The following FER1L6 variants were observed in gnomAD, a reference collection of about 807,000 sequenced individuals.
FER1L6 encodes the protein fer-1 like family member 6, also known as fer-1-like protein 6.
FER1L6 carries 177 observed loss-of-function variants against 219.2 expected under a neutral mutation model. That is an observed-to-expected ratio of 0.81 (90% CI 0.71 to 0.91). The LOEUF (loss-of-function observed/expected upper bound fraction) is 0.91, where lower values mean the gene tolerates loss of function less well. Ranked by LOEUF, FER1L6 falls within the 40% of genes least tolerant of loss-of-function variation. The pLI is 0.00. For missense variants in FER1L6, 2,153 were observed against 2,259.9 expected (o/e 0.95, Z 0.96); for synonymous variants, 768 against 824.3 (o/e 0.93, Z 1.17).
intron 18 of FER1L6, among the ~76,000 whole-genome samples, chr8:124,030,285 C>T (rs1480146749): frequency 1.3e-5 from 2 of 152,172 alleles, no homozygotes; most frequent in South Asian, 2.1e-4. Flanking sequence ...TGTAGTCACA[C>T]GGCTAAGTAA....
chr8:124,012,378 G>A (rs1038627973), intron 14 of FER1L6, among the ~76,000 whole-genome samples: 44 of 152,172 alleles, frequency 2.9e-4, no homozygotes, highest in African/African-American at 9.2e-4. Context: ...AGAACAGATC[G>A]TTTATCTCCA....
In FER1L6 at chr8:123,938,218, CCTAA is replaced by C. The variant is rs143141299; in HGVS notation, c.-7-17770_-7-17767del. Among the ~76,000 whole-genome samples, 937 of 152,318 alleles carry C rather than the reference CCTAA, an allele frequency of 6.2e-3. 10 individuals are homozygous for C. The highest frequency in any genetic ancestry group is 0.021 in the African/African-American group (888 of 41,560). The stretch of plus-strand genomic sequence containing the variant: ...TGTTTGCTCTTTCAGATAACTCTCA[CCTAA>C]CTATGTTTACACGGGGAATACCTCC... On this transcript the variant is annotated intron_variant, in intron 1 of 40. Coordinates refer to ENST00000522917, the MANE Select transcript of FER1L6 (RefSeq NM_001039112.2).
At chr8:123,932,617 G>A (rs572656690) in intron 1 of FER1L6, among the ~76,000 whole-genome samples, 9 of 152,186 alleles carry the variant, frequency 5.9e-5, no homozygotes, top group African/African-American at 9.7e-5. Context: ...ATGCATTGGC[G>A]TAATGGTGGG....
intron 20 of FER1L6, among the ~76,000 whole-genome samples, chr8:124,043,266 C>T (rs1819583614): frequency 6.6e-6 from 1 of 152,138 alleles, no homozygotes; most frequent in Non-Finnish European, 1.5e-5. Context: ...GTGCTAACCC[C>T]ATTTAAATGA....
At chr8:123,909,270 G>A (rs1813009511) in intron 1 of FER1L6, among the ~76,000 whole-genome samples, 2 of 152,052 alleles carry the variant, frequency 1.3e-5, no homozygotes, top group Admixed American at 1.3e-4. Flanking sequence ...TGTGTGGGGT[G>A]GGGGGTTTGT....
intron 1 of FER1L6, chr8:123,925,721 C>T (rs1257245070): frequency 6.6e-6 from 1 of 152,182 alleles, no homozygotes; most frequent in Admixed American, 6.5e-5. Context: ...GTGTGCCTAC[C>T]CTTCCTTGGA....
chr8:123,947,686 A>T (rs1016501702), intron 1 of FER1L6, among the ~76,000 whole-genome samples: 3 of 152,166 alleles, frequency 2.0e-5, no homozygotes, highest in Non-Finnish European at 4.4e-5. Context: ...TGCCTTCAAA[A>T]CCTCAGCATC....
intron 33 of FER1L6, 28 bp from the exon 34 acceptor site, chr8:124,091,395 C>CA (rs1321027011): frequency 6.2e-7 from 1 of 1,605,838 alleles, no homozygotes; most frequent in South Asian, 1.1e-5. Flanking sequence ...GTGAGGACCT[C>CA]AAAGTGTGTT....
rs918546175 is a variant in FER1L6, at chr8:123,853,583, CAG to C, written c.-8+1399_-8+1400del. ...TTTTTTCCTGGGGTATTGTATTAAT[CAG>C]GGGAGATTTTACAAGGGTGGATGAG... On this transcript the variant is annotated intron_variant, in intron 1 of 40. Coordinates refer to ENST00000522917, the MANE Select transcript of FER1L6 (RefSeq NM_001039112.2). The surrounding 1 kb of genome is among the most constrained non-coding windows in gnomAD (Gnocchi z 6.6). Among the ~76,000 whole-genome samples, 2 of 152,074 alleles carry C rather than the reference CAG, an allele frequency of 1.3e-5. No individual in the cohort carries two copies. Among genetic ancestry groups the C allele is most frequent in the East Asian group, 1.9e-4 (1 of 5,184 alleles).
Position 124,000,907 on chromosome 8 carries a change from A to T in FER1L6, c.1520-2260A>T, listed in dbSNP as rs570494931. Among the ~76,000 whole-genome samples the T allele has an allele frequency of 2.0e-5, 3 of 152,306 alleles. No homozygotes were observed. The East Asian group carries it at 5.8e-4, about 29-fold the overall frequency. On this transcript the variant is annotated intron_variant, in intron 12 of 40. Transcript: ENST00000522917. ...ATACATTTTGGGAACATGTATCTTT[A>T]TAGAGAGGGCAGAGGGACCCAGGAG...
intron 1 of FER1L6, among the ~76,000 whole-genome samples, chr8:123,918,315 A>AC (rs1357435836): frequency 1.3e-5 from 2 of 152,174 alleles, no homozygotes; most frequent in East Asian, 1.9e-4. Context: ...TCTCAAAAAA[A>AC]AAAAAAAAAA....
chr8:124,103,428 C>G, intron 39 of FER1L6, 119 bp downstream of exon 39: 1 of 976,394 alleles, frequency 1.0e-6, no homozygotes, highest in South Asian at 1.7e-5. Flanking sequence ...ACCCTTCATG[C>G]AGAGGTTCTG....
At chr8:123,935,684 C>T (rs933871412) in intron 1 of FER1L6, among the ~76,000 whole-genome samples, 2 of 152,108 alleles carry the variant, frequency 1.3e-5, no homozygotes, top group East Asian at 3.9e-4. Context: ...CAACACAGCT[C>T]CTGGCAGTAT....
rs72717143 is a variant in FER1L6 at position 123,852,530 on chromosome 8, G to A, written c.-8+345G>A. On this transcript the variant is annotated intron_variant, in intron 1 of 40. Coordinates refer to ENST00000522917, the MANE Select transcript of FER1L6 (RefSeq NM_001039112.2). The surrounding 1 kb of genome is among the most constrained non-coding windows in gnomAD (Gnocchi z 4.9). ...TGTGTGTGTTTGACAGAGACAGAGG[G>A]AGGAGAAAGAAGAGAGACTGGTAAA... Among the ~76,000 whole-genome samples the A allele has an allele frequency of 2.7e-3, 405 of 151,400 alleles. No individual in the cohort carries two copies. The highest frequency in any genetic ancestry group is 6.8e-3 in the Middle Eastern group (2 of 294).
Position 123,867,754 on chromosome 8 carries a change from G to A in FER1L6, c.-8+15569G>A, listed in dbSNP as rs948845060. ...CGTAGCTGTTTTCATGAAGATGGAT[G>A]GCATTTTTTTTCTTATTTAAGTGGT... On this transcript the variant is annotated intron_variant, in intron 1 of 40. Coordinates refer to ENST00000522917, the MANE Select transcript of FER1L6 (RefSeq NM_001039112.2). Among the ~76,000 whole-genome samples, 5 of 151,820 alleles carry A rather than the reference G, an allele frequency of 3.3e-5. No individual in the cohort carries two copies. The South Asian group carries it at 6.2e-4, about 19-fold the overall frequency.
chr8:124,042,689 C>T (rs1819560112), intron 20 of FER1L6, among the ~76,000 whole-genome samples: 1 of 152,208 alleles, frequency 6.6e-6, no homozygotes. Flanking sequence ...GAAAGCTGAA[C>T]CTGGGCCCCT....
chr8:123,908,346 A>T (rs577506873), intron 1 of FER1L6, among the ~76,000 whole-genome samples: 2 of 152,202 alleles, frequency 1.3e-5, no homozygotes, highest in Admixed American at 1.3e-4. Flanking sequence ...ATACTCTGCA[A>T]TTGGGAGTGG....
chr8:124,007,005 A>G (rs1817686128), intron 13 of FER1L6, among the ~76,000 whole-genome samples: 1 of 152,208 alleles, frequency 6.6e-6, no homozygotes, highest in African/African-American at 2.4e-5. Flanking sequence ...ATTTTTTAAG[A>G]GATAAAGTAG....
intron 1 of FER1L6, among the ~76,000 whole-genome samples, chr8:123,896,808 C>T (rs1035545144): frequency 6.6e-6 from 1 of 152,096 alleles, no homozygotes; most frequent in Non-Finnish European, 1.5e-5. Flanking sequence ...AACTCACAAA[C>T]TCATGTCTCT....
Sources: gnomAD v4.1 joint callset for allele counts (sites outside exome capture counted in the v4.1 genomes callset) on GRCh38, gnomAD v4.1.1 for gene constraint, Gnocchi (gnomAD v3.1) non-coding constraint, MANE v1.5 for transcripts, NCBI Gene and HGNC (gene_info 2026-07-23, HGNC 2026-07-21) for gene names.